The following CNTNAP4 variants were observed in gnomAD, a reference collection of about 807,000 sequenced individuals.
CNTNAP4 encodes contactin-associated protein-like 4.
CNTNAP4 carries 98 observed loss-of-function variants against 148.4 expected under a neutral mutation model. The ratio of observed to expected loss-of-function variants is 0.66; its 90% CI spans 0.56 to 0.78. The LOEUF (loss-of-function observed/expected upper bound fraction) is 0.78. Among genes scored for constraint, CNTNAP4 ranks in the 30% least tolerant of loss-of-function variants. The pLI is 0.00. For synonymous variants in CNTNAP4, 730 were observed against 565.1 expected (o/e 1.29, Z -4.14); for missense variants, 1,935 against 1,565.6 (o/e 1.24, Z -3.98).
At chr16:76,417,355 T>C (rs1465917190) in intron 3 of CNTNAP4, among the ~76,000 whole-genome samples, 2 of 151,436 alleles carry the variant, frequency 1.3e-5, no homozygotes, top group African/African-American at 4.8e-5. Context: ...GCTCTTTTAC[T>C]GTATCAGTCA....
chr16:76,452,080 T>C (rs946290314), intron 7 of CNTNAP4, among the ~76,000 whole-genome samples: 3 of 151,560 alleles, frequency 2.0e-5, no homozygotes, highest in Non-Finnish European at 4.4e-5. Flanking sequence ...TTTCCCTAGG[T>C]TTGATAGTCT....
At chr16:76,355,962 C>T (rs1455856768) in intron 3 of CNTNAP4, among the ~76,000 whole-genome samples, 1 of 151,862 alleles carries the variant, frequency 6.6e-6, no homozygotes, top group Non-Finnish European at 1.5e-5. Context: ...GCAACCTCTG[C>T]CTCCCGGGTT....
intron 9 of CNTNAP4, among the ~76,000 whole-genome samples, chr16:76,463,515 TTTA>T (rs1454352585): frequency 2.0e-5 from 3 of 152,230 alleles, no homozygotes; most frequent in African/African-American, 7.2e-5. Flanking sequence ...TTTGCTTGTT[TTTA>T]TTATGATACA....
chr16:76,501,815 A>C (rs2082657097), intron 15 of CNTNAP4, among the ~76,000 whole-genome samples: 1 of 152,200 alleles, frequency 6.6e-6, no homozygotes, highest in African/African-American at 2.4e-5. Context: ...TCACGCCTGT[A>C]ATCCCAGCAC....
chr16:76,290,231 G>C (rs573782617), intron 1 of CNTNAP4, among the ~76,000 whole-genome samples: 22 of 152,220 alleles, frequency 1.4e-4, no homozygotes, highest in South Asian at 8.3e-4. Context: ...ATGAGGCTTA[G>C]ACCCAATGAC....
intron 1 of CNTNAP4, among the ~76,000 whole-genome samples, chr16:76,283,331 A>G (rs1197742827): frequency 6.6e-6 from 1 of 151,974 alleles, no homozygotes; most frequent in Non-Finnish European, 1.5e-5. Context: ...TGTTTAAGAA[A>G]TCGTTCTGTT....
chr16:76,398,021 T>C (rs2078274370), intron 3 of CNTNAP4, among the ~76,000 whole-genome samples: 1 of 118,606 alleles, frequency 8.4e-6, no homozygotes, highest in East Asian at 2.7e-4. Context: ...TAAGGAGTAT[T>C]GACTCACACA....
At chr16:76,497,612 G>A (rs186723559) in intron 14 of CNTNAP4, among the ~76,000 whole-genome samples, 30 of 149,438 alleles carry the variant, frequency 2.0e-4, no homozygotes, top group African/African-American at 7.1e-4. Flanking sequence ...ACCAAACACT[G>A]CATGTTCTCA....
At chr16:76,289,241 C>T (rs1451869078) in intron 1 of CNTNAP4, among the ~76,000 whole-genome samples, 1 of 152,072 alleles carries the variant, frequency 6.6e-6, no homozygotes, top group African/African-American at 2.4e-5. Flanking sequence ...GTAGCACGTG[C>T]CCGATCATCT....
At chr16:76,440,581 A>C (rs1467395277) in intron 4 of CNTNAP4, among the ~76,000 whole-genome samples, 2 of 152,120 alleles carry the variant, frequency 1.3e-5, no homozygotes, top group African/African-American at 4.8e-5. Flanking sequence ...TTTTCAGAGA[A>C]TAGGTTTATG....
intron 4 of CNTNAP4, among the ~76,000 whole-genome samples, chr16:76,437,597 T>C (rs1251735339): frequency 4.6e-5 from 7 of 152,156 alleles, no homozygotes; most frequent in African/African-American, 1.4e-4. Context: ...ATAATAATAA[T>C]TGAAAAAGCC....
intron 15 of CNTNAP4, among the ~76,000 whole-genome samples, chr16:76,516,583 TA>T (rs1396050915): frequency 6.6e-6 from 1 of 152,212 alleles, no homozygotes; most frequent in Non-Finnish European, 1.5e-5. Flanking sequence ...ACTGGCAACT[TA>T]CGTTCACAAA....
intron 1 of CNTNAP4, 77 bp from the exon 2 acceptor site, chr16:76,316,336 G>T: frequency 1.1e-6 from 1 of 879,598 alleles, no homozygotes; most frequent in East Asian, 2.5e-5. Context: ...TGTTTTACTT[G>T]TTGGTTGTTT....
intron 12 of CNTNAP4, among the ~76,000 whole-genome samples, chr16:76,486,840 CTTG>C (rs753836914): frequency 2.0e-5 from 3 of 152,114 alleles, no homozygotes; most frequent in Non-Finnish European, 4.4e-5. Flanking sequence ...TGAACCTCCT[CTTG>C]TGGTGCAAGT....
chr16:76,440,028 AT>A, intron 4 of CNTNAP4, among the ~76,000 whole-genome samples: 1 of 97,878 alleles, frequency 1.0e-5, no homozygotes, highest in East Asian at 2.7e-4. Flanking sequence ...AGAAGTCAAA[AT>A]TGGACCTCTG....
intron 3 of CNTNAP4, among the ~76,000 whole-genome samples, chr16:76,368,925 TAGAC>T (rs1191247210): frequency 6.6e-6 from 1 of 152,204 alleles, no homozygotes; most frequent in Non-Finnish European, 1.5e-5. Flanking sequence ...GTTACTGGAT[TAGAC>T]AGAACAGTTA....
intron 2 of CNTNAP4, among the ~76,000 whole-genome samples, chr16:76,332,787 T>TC (rs1963654251): frequency 6.6e-6 from 1 of 152,138 alleles, no homozygotes; most frequent in South Asian, 2.1e-4. Flanking sequence ...CAACCAGCTT[T>TC]CCCAGGGATG....
intron 3 of CNTNAP4, among the ~76,000 whole-genome samples, chr16:76,411,482 C>T (rs1369077216): frequency 6.6e-6 from 1 of 151,042 alleles, no homozygotes; most frequent in Non-Finnish European, 1.5e-5. Flanking sequence ...TGGTAATGGT[C>T]ATAAGAATGC....
At chr16:76,430,914 A>G (rs1272457666) in intron 4 of CNTNAP4, among the ~76,000 whole-genome samples, 1 of 152,186 alleles carries the variant, frequency 6.6e-6, no homozygotes, top group African/African-American at 2.4e-5. Context: ...TCATACATGT[A>G]TTGAGCCTTT....
Sources: gnomAD v4.1 joint callset for allele counts (sites outside exome capture counted in the v4.1 genomes callset) on GRCh38, gnomAD v4.1.1 for gene constraint, MANE v1.5 for transcripts, NCBI Gene and HGNC (gene_info 2026-07-23, HGNC 2026-07-21) for gene names.